MLIP: variants seen among roughly 807,000 people sequenced by gnomAD.
MLIP encodes muscular LMNA-interacting protein.
Under a neutral mutation model 84.8 loss-of-function variants are expected in MLIP, and 79 were observed. That is an observed-to-expected ratio of 0.93 (90% CI 0.78 to 1.12). The LOEUF (loss-of-function observed/expected upper bound fraction) is 1.12. Ranked by LOEUF, MLIP falls within the 50% of genes most tolerant of loss-of-function variation. MLIP has a pLI of 0.00. For missense variants in MLIP, 1,257 were observed against 1,160.6 expected, an observed-to-expected ratio of 1.08 and a Z score of -1.21; for synonymous variants, 504 against 463.0, an observed-to-expected ratio of 1.09 and a Z score of -1.14.
chr6:54,230,994 TG>T lies in MLIP; in HGVS notation c.2922+79del, dbSNP rs567051046. ...ACGCTTGACTTTTAAAACTTAAATG[TG>T]GAGGAAACATGTGTTAGGAATATTT... On this transcript the variant is annotated intron_variant, in intron 12 of 13. Transcript: ENST00000502396. 205 of 1,198,044 alleles carry T rather than the reference TG, an allele frequency of 1.7e-4. No homozygotes were observed. The African/African-American group carries it at 2.8e-3, about 17-fold the overall frequency. 74.2% of individuals were successfully genotyped at this position (1,198,044 alleles called of 1,614,324 possible). A position where few individuals can be genotyped will look rare whatever the true frequency, so the allele number is the denominator to read the frequency against.
At chr6:54,134,202 C>T (rs950883687) in intron 3 of MLIP, among the ~76,000 whole-genome samples, 8 of 152,126 alleles carry the variant, frequency 5.3e-5, no homozygotes, top group African/African-American at 1.2e-4. Flanking sequence ...GAGCTACTGA[C>T]TGAGAATTTG....
At chr6:54,078,677 C>A (rs1363770940) in intron 1 of MLIP, among the ~76,000 whole-genome samples, 1 of 136,548 alleles carries the variant, frequency 7.3e-6, no homozygotes, top group Non-Finnish European at 1.5e-5. Context: ...AAATAATTTT[C>A]TTTTTCTTTC....
chr6:54,153,646 G>A (rs1375976155), intron 5 of MLIP, among the ~76,000 whole-genome samples: 3 of 151,796 alleles, frequency 2.0e-5, no homozygotes, highest in Non-Finnish European at 4.4e-5. Flanking sequence ...TCAGAAATTC[G>A]AGACCAGCCT....
intron 1 of MLIP, among the ~76,000 whole-genome samples, chr6:54,049,355 C>G (rs1268725738): frequency 6.6e-6 from 1 of 152,092 alleles, no homozygotes; most frequent in African/African-American, 2.4e-5. Flanking sequence ...AAATGTGAAC[C>G]TACTTGCTTG....
intron 9 of MLIP, among the ~76,000 whole-genome samples, chr6:54,182,377 C>T (rs185522831): frequency 2.0e-4 from 30 of 152,284 alleles, no homozygotes; most frequent in Admixed American, 3.9e-4. Context: ...TGCATGGTCA[C>T]TACTGGGGAG....
chr6:54,047,024 C>T (rs931324755), intron 1 of MLIP: 2 of 152,200 alleles, frequency 1.3e-5, no homozygotes, highest in Non-Finnish European at 2.9e-5. Context: ...TTGAGATTAG[C>T]TGCAGAGCCT....
At chr6:54,265,313 T>C (rs1165568699) in intron 13 of MLIP, among the ~76,000 whole-genome samples, 1 of 152,140 alleles carries the variant, frequency 6.6e-6, no homozygotes, top group Non-Finnish European at 1.5e-5. Context: ...TTCCACTCAA[T>C]TAAGTTTATC....
At chr6:54,200,671 T>C (rs1778616670) in intron 10 of MLIP, among the ~76,000 whole-genome samples, 1 of 147,400 alleles carries the variant, frequency 6.8e-6, no homozygotes, top group Admixed American at 6.8e-5. Context: ...CTCATGTGTA[T>C]ACTCTATGGC....
In MLIP at chr6:54,062,930, C is replaced by T. The variant is rs1253045162; in HGVS notation, c.63+43839C>T. ...AATATGGGTCAAATTGGGCTGCATG[C>T]AATGGCTCATGCCTGTAATCCCAGC... On this transcript the variant is annotated intron_variant, in intron 1 of 12. Transcript: ENST00000274897. Among the ~76,000 whole-genome samples the T allele has an allele frequency of 2.0e-5, 3 of 152,094 alleles. No individual in the cohort carries two copies. In the South Asian group the frequency reaches 6.2e-4, roughly 32 times the overall value.
chr6:54,180,169 C>A (rs1776712707), intron 9 of MLIP, among the ~76,000 whole-genome samples: 2 of 152,156 alleles, frequency 1.3e-5, no homozygotes, highest in Non-Finnish European at 2.9e-5. Flanking sequence ...AATGTTTCCA[C>A]TGAAAAGTCT....
At chr6:54,217,473 G>A (rs1020715133) in intron 11 of MLIP, 1 of 985,370 alleles carries the variant, frequency 1.0e-6, no homozygotes, top group Non-Finnish European at 1.2e-6. Context: ...ATTTTCTGAT[G>A]TGTCTGTCAG....
chr6:54,025,380 A>G (rs573811874), intron 1 of MLIP, among the ~76,000 whole-genome samples: 20 of 152,210 alleles, frequency 1.3e-4, no homozygotes, highest in Non-Finnish European at 2.6e-4. Flanking sequence ...ACTTCACATA[A>G]TAAAATAAGT....
At chr6:54,070,139 G>A (rs1561906326) in intron 1 of MLIP, among the ~76,000 whole-genome samples, 1 of 152,114 alleles carries the variant, frequency 6.6e-6, no homozygotes, top group African/African-American at 2.4e-5. Flanking sequence ...AGTGTTAAAT[G>A]TGGGCCATTG....
intron 5 of MLIP, among the ~76,000 whole-genome samples, chr6:54,149,922 A>AAAT (rs1773261798): frequency 6.6e-6 from 1 of 152,186 alleles, no homozygotes; most frequent in African/African-American, 2.4e-5. Flanking sequence ...CAAGTCTATG[A>AAAT]AATTATTCAT....
At chr6:54,167,205 T>C (rs1775285502) in intron 8 of MLIP, among the ~76,000 whole-genome samples, 1 of 151,910 alleles carries the variant, frequency 6.6e-6, no homozygotes. Context: ...GACCCTCCTC[T>C]ATTTAAAACC....
chr6:54,171,488 G>A (rs965353216), intron 9 of MLIP, among the ~76,000 whole-genome samples: 5 of 151,672 alleles, frequency 3.3e-5, no homozygotes, highest in African/African-American at 1.2e-4. Context: ...ATTTTACAAT[G>A]AAAGGTCAAA....
intron 1 of MLIP, among the ~76,000 whole-genome samples, chr6:54,115,351 G>T (rs73436329): frequency 5.6e-4 from 85 of 152,272 alleles, no homozygotes; most frequent in African/African-American, 2.0e-3. Flanking sequence ...GGTTTTTGAA[G>T]CTGGTTAAGA....
In MLIP at chr6:54,213,108, T is replaced by C. The variant is rs575503268; in HGVS notation, c.2718+10875T>C. Among the ~76,000 whole-genome samples the C allele has an allele frequency of 5.3e-5, 8 of 152,346 alleles. No homozygotes were observed. The East Asian group carries it at 1.5e-3, about 29-fold the overall frequency. ...TTTCATAATTATAAAAGACTCTGGG[T>C]TAATCCTTGCAATAAACTTTGGGGA... On this transcript the variant is annotated intron_variant, in intron 11 of 13. Coordinates refer to ENST00000502396, the MANE Select transcript of MLIP (RefSeq NM_001281747.2).
At chr6:54,212,726 T>A (rs1219188423) in intron 11 of MLIP, among the ~76,000 whole-genome samples, 2 of 152,248 alleles carry the variant, frequency 1.3e-5, no homozygotes, top group African/African-American at 4.8e-5. Flanking sequence ...TTTGAATGAC[T>A]ATAATTTTGT....
Sources: allele counts gnomAD v4.1 joint callset (sites outside exome capture counted in the v4.1 genomes callset), GRCh38; gene constraint gnomAD v4.1.1; transcripts MANE v1.5; gene names NCBI Gene and HGNC (gene_info 2026-07-23, HGNC 2026-07-21).